The following EPHA6 variants were observed in gnomAD, a reference collection of about 807,000 sequenced individuals.
EPHA6 encodes EPH receptor A6, also known as ephrin type-A receptor 6.
Under a neutral mutation model 112.0 loss-of-function variants are expected in EPHA6, and 50 were observed. The observed-to-expected ratio is 0.45, with a 90% CI of 0.36 to 0.56. EPHA6 has a LOEUF of 0.56. Among genes scored for constraint, EPHA6 ranks in the 20% least tolerant of loss-of-function variants. The pLI is 0.00. For synonymous variants in EPHA6, 529 were observed against 490.7 expected, an observed-to-expected ratio of 1.08 and a Z score of -1.03; for missense variants, 1,280 against 1,417.4, an observed-to-expected ratio of 0.90 and a Z score of 1.56.
chr3:97,174,423 G>A (rs2076779562), intron 3 of EPHA6, among the ~76,000 whole-genome samples: 1 of 151,802 alleles, frequency 6.6e-6, no homozygotes, highest in Non-Finnish European at 1.5e-5. Flanking sequence ...TTAGCATTAG[G>A]ATTGCTGGAT....
At chr3:97,664,859 G>A (rs1321681680) in intron 14 of EPHA6, among the ~76,000 whole-genome samples, 1 of 152,160 alleles carries the variant, frequency 6.6e-6, no homozygotes, top group Non-Finnish European at 1.5e-5. Context: ...CTGATGGATA[G>A]GAAGAATCAA....
chr3:97,541,733 T>TG (rs1478754285), intron 11 of EPHA6, among the ~76,000 whole-genome samples: 1 of 148,466 alleles, frequency 6.7e-6, no homozygotes, highest in Non-Finnish European at 1.5e-5. Flanking sequence ...TTTTGTTTTT[T>TG]TTTTTTTGTT....
At chr3:97,026,562 A>G (rs2044645960) in intron 3 of EPHA6, among the ~76,000 whole-genome samples, 1 of 152,120 alleles carries the variant, frequency 6.6e-6, no homozygotes, top group East Asian at 1.9e-4. Context: ...CTGTAAGTCT[A>G]ATATCCTGCA....
chr3:97,417,423 G>GA (rs112473463), intron 6 of EPHA6, among the ~76,000 whole-genome samples: 1 of 151,026 alleles, frequency 6.6e-6, no homozygotes, highest in Non-Finnish European at 1.5e-5. Context: ...TTTTTTAATG[G>GA]AAAAAAAAGT....
rs187331112 is a variant in EPHA6, at chr3:97,244,277, G to A, written c.1596G>A (p.Thr532=). Residue 532 remains threonine, a synonymous_variant, in exon 5 of 18, where the codon ACG becomes ACA. Transcript: ENST00000389672. ...PKPFTAITVT[T]DQDAPSLIGV... ...CATTCACAGCTATTACAGTGACCAC[G>A]GATCAAGATGGTAAGTTCCACTGCT... 6.1e-4 allele frequency: 977 copies of A among 1,612,852 alleles called. 3 individuals carry two copies. The African/African-American group carries it at 8.8e-3, about 14-fold the overall frequency.
intron 2 of EPHA6, among the ~76,000 whole-genome samples, chr3:96,881,793 G>T (rs1038658698): frequency 1.3e-5 from 2 of 152,164 alleles, no homozygotes; most frequent in Non-Finnish European, 1.5e-5. Flanking sequence ...CAGGCATTGG[G>T]TAAATACAGG....
intron 3 of EPHA6, among the ~76,000 whole-genome samples, chr3:97,208,020 T>C (rs562947886): frequency 8.8e-4 from 134 of 152,252 alleles, no homozygotes; most frequent in African/African-American, 3.1e-3. Context: ...CCATCACATC[T>C]GTAAAACTGA....
intron 2 of EPHA6, among the ~76,000 whole-genome samples, chr3:96,888,278 T>A (rs1164008880): frequency 6.6e-6 from 1 of 152,126 alleles, no homozygotes; most frequent in Non-Finnish European, 1.5e-5. Context: ...CCCCTACCAC[T>A]GTATTTCGCT....
intron 6 of EPHA6, among the ~76,000 whole-genome samples, chr3:97,437,823 A>G (rs1218150804): frequency 6.6e-6 from 1 of 151,878 alleles, no homozygotes; most frequent in Non-Finnish European, 1.5e-5. Context: ...TATAATAAAT[A>G]TATTTTTTCC....
chr3:96,991,722 T>C (rs2043224363), intron 3 of EPHA6, among the ~76,000 whole-genome samples: 1 of 152,180 alleles, frequency 6.6e-6, no homozygotes, highest in Non-Finnish European at 1.5e-5. Context: ...AAGTCCAATA[T>C]AGCATGTTGA....
chr3:97,576,533 A>G (rs1226146774), intron 11 of EPHA6, among the ~76,000 whole-genome samples: 1 of 152,132 alleles, frequency 6.6e-6, no homozygotes, highest in Non-Finnish European at 1.5e-5. Context: ...GTTAGTGATT[A>G]TTTTTTGTCC....
chr3:97,330,518 T>C (rs1378913983), intron 5 of EPHA6, among the ~76,000 whole-genome samples: 1 of 152,160 alleles, frequency 6.6e-6, no homozygotes, highest in Non-Finnish European at 1.5e-5. Context: ...TAGTTCTCTT[T>C]GACGAGGTCC....
intron 10 of EPHA6, among the ~76,000 whole-genome samples, chr3:97,529,539 T>C (rs951064233): frequency 1.3e-5 from 2 of 152,088 alleles, no homozygotes; most frequent in African/African-American, 4.8e-5. Flanking sequence ...ATAATTCCTA[T>C]CACTTATGGT....
intron 14 of EPHA6, among the ~76,000 whole-genome samples, chr3:97,707,415 G>A (rs1319191130): frequency 6.6e-6 from 1 of 152,176 alleles, no homozygotes; most frequent in African/African-American, 2.4e-5. Context: ...GGTGCAAAAT[G>A]AGTGAGGCAG....
chr3:97,515,543 G>A (rs1560090011), intron 10 of EPHA6, among the ~76,000 whole-genome samples: 1 of 152,160 alleles, frequency 6.6e-6, no homozygotes, highest in Non-Finnish European at 1.5e-5. Flanking sequence ...GTTTTGAATT[G>A]CAAATGTTTT....
At chr3:97,597,521 A>C (rs1447984593) in intron 12 of EPHA6, among the ~76,000 whole-genome samples, 1 of 152,226 alleles carries the variant, frequency 6.6e-6, no homozygotes, top group Non-Finnish European at 1.5e-5. Flanking sequence ...AAGCATTTTG[A>C]CATCCTCACT....
At chr3:96,944,556 A>G (rs1178250625) in intron 2 of EPHA6, among the ~76,000 whole-genome samples, 1 of 152,180 alleles carries the variant, frequency 6.6e-6, no homozygotes, top group Non-Finnish European at 1.5e-5. Flanking sequence ...CTTATCCAAC[A>G]TATCTAAAAC....
intron 3 of EPHA6, among the ~76,000 whole-genome samples, chr3:97,215,679 A>G (rs2078014923): frequency 1.3e-5 from 2 of 151,910 alleles, no homozygotes; most frequent in African/African-American, 2.4e-5. Flanking sequence ...TGCCTTTAAT[A>G]TATGTCTTCT....
chr3:97,746,266 AT>A (rs1325856809), intron 16 of EPHA6, among the ~76,000 whole-genome samples: 3 of 151,798 alleles, frequency 2.0e-5, no homozygotes, highest in African/African-American at 4.8e-5. Flanking sequence ...CAAACACTAA[AT>A]TTTTTTTAAA....
Sources: allele counts gnomAD v4.1 joint callset (sites outside exome capture counted in the v4.1 genomes callset), GRCh38; gene constraint gnomAD v4.1.1; transcripts MANE v1.5; gene names NCBI Gene and HGNC (gene_info 2026-07-23, HGNC 2026-07-21).